Variants in MAGI1 observed in about 807,000 individuals in gnomAD.
The protein encoded by MAGI1 is membrane-associated guanylate kinase, WW and PDZ domain-containing protein 1.
A neutral mutation model predicts 139.9 loss-of-function variants in MAGI1; 58 were observed. The observed-to-expected ratio is 0.41, with a 90% CI of 0.34 to 0.52. MAGI1 has a LOEUF of 0.52. Among genes scored for constraint, MAGI1 ranks in the 20% least tolerant of loss-of-function variants. MAGI1 has a pLI of 0.12. For synonymous variants in MAGI1, 812 were observed against 737.9 expected, an observed-to-expected ratio of 1.10 and a Z score of -1.63; for missense variants, 1,874 against 1,901.6, an observed-to-expected ratio of 0.99 and a Z score of 0.27.
At chr3:66,019,212 G>C (rs1296771032) in intron 1 of MAGI1, among the ~76,000 whole-genome samples, 4 of 152,188 alleles carry the variant, frequency 2.6e-5, no homozygotes, top group African/African-American at 9.7e-5. Flanking sequence ...GATGGTGAGT[G>C]AATCTATGGG....
At chr3:65,901,601 A>T (rs1192085561) in intron 1 of MAGI1, among the ~76,000 whole-genome samples, 1 of 152,234 alleles carries the variant, frequency 6.6e-6, no homozygotes, top group African/African-American at 2.4e-5. Context: ...CTGCAACGGC[A>T]AGGTTTTTTC....
intron 12 of MAGI1, among the ~76,000 whole-genome samples, chr3:65,405,739 T>A (rs980658016): frequency 6.6e-6 from 1 of 152,116 alleles, no homozygotes. Flanking sequence ...GGATTACAGG[T>A]GCACGTCACC....
intron 1 of MAGI1, among the ~76,000 whole-genome samples, chr3:65,845,648 T>C (rs2058966926): frequency 6.6e-6 from 1 of 152,206 alleles, no homozygotes; most frequent in Non-Finnish European, 1.5e-5. Flanking sequence ...ACTGCACCAA[T>C]TTCATGTCTT....
At chr3:65,462,040 T>A (rs1949831851) in intron 5 of MAGI1, among the ~76,000 whole-genome samples, 1 of 152,186 alleles carries the variant, frequency 6.6e-6, no homozygotes, top group African/African-American at 2.4e-5. Flanking sequence ...ATGGATAGAT[T>A]CCAAACATGT....
intron 1 of MAGI1, among the ~76,000 whole-genome samples, chr3:65,625,045 A>T (rs1458243235): frequency 1.3e-5 from 2 of 151,984 alleles, no homozygotes; most frequent in African/African-American, 4.8e-5. Context: ...GCGAGTTTTC[A>T]TATTTATAGT....
At chr3:65,573,466 T>G (rs1475022404) in intron 2 of MAGI1, among the ~76,000 whole-genome samples, 2 of 151,858 alleles carry the variant, frequency 1.3e-5, no homozygotes, top group African/African-American at 4.8e-5. Flanking sequence ...ACTAATAAAC[T>G]ACATAAAATC....
rs569512560 is a variant in MAGI1 at position 65,509,304 on chromosome 3, A to G, written c.431-15673T>C. On this transcript the variant is annotated intron_variant, in intron 2 of 22. Coordinates refer to ENST00000402939, the MANE Select transcript of MAGI1 (RefSeq NM_001033057.2). ...TGGGTTTTGTTTTTGGGGAGGAGCC[A>G]AGATGGCCGAATAGGAACAGCTCCG... 7.2e-5 allele frequency among the ~76,000 whole-genome samples: 11 copies of G among 152,356 alleles called. No homozygotes were observed. The South Asian group carries it at 1.5e-3, about 20-fold the overall frequency.
chr3:65,512,592 C>A (rs1275015100), intron 2 of MAGI1, among the ~76,000 whole-genome samples: 1 of 152,130 alleles, frequency 6.6e-6, no homozygotes, highest in African/African-American at 2.4e-5. Flanking sequence ...TACACTCTCC[C>A]AAGACTAAGC....
intron 4 of MAGI1, among the ~76,000 whole-genome samples, chr3:65,475,759 T>C (rs556959027): frequency 2.1e-4 from 32 of 152,078 alleles, no homozygotes; most frequent in African/African-American, 7.7e-4. Flanking sequence ...GCTTCTGCCT[T>C]AATCAATGAC....
intron 2 of MAGI1, among the ~76,000 whole-genome samples, chr3:65,531,595 A>G (rs1310820742): frequency 3.3e-5 from 5 of 152,144 alleles, no homozygotes; most frequent in Non-Finnish European, 5.9e-5. Context: ...CCAATTCCCT[A>G]TCCATCTTTG....
intron 9 of MAGI1, among the ~76,000 whole-genome samples, chr3:65,438,099 C>G (rs1947974801): frequency 6.6e-6 from 1 of 152,142 alleles, no homozygotes; most frequent in Non-Finnish European, 1.5e-5. Context: ...CAGCACTACT[C>G]ACAACAGCAA....
At chr3:65,689,636 CA>C (rs934693048) in intron 1 of MAGI1, among the ~76,000 whole-genome samples, 119 of 152,310 alleles carry the variant, frequency 7.8e-4, no homozygotes, top group African/African-American at 2.8e-3. Context: ...GTTACAGTTA[CA>C]TCGTCTGGAA....
chr3:65,680,772 T>TGATAC (rs1181295927), intron 1 of MAGI1, among the ~76,000 whole-genome samples: 2 of 134,904 alleles, frequency 1.5e-5, no homozygotes, highest in Non-Finnish European at 3.0e-5. Flanking sequence ...TGATATGATA[T>TGATAC]GATATGATAT....
At chr3:65,554,204 G>T (rs1023132804) in intron 2 of MAGI1, among the ~76,000 whole-genome samples, 7 of 152,152 alleles carry the variant, frequency 4.6e-5, no homozygotes, top group African/African-American at 1.7e-4. Flanking sequence ...GAGAAGGCAT[G>T]GTCAAGAGTC....
chr3:65,383,299 G>A (rs1245723380), intron 15 of MAGI1, among the ~76,000 whole-genome samples: 2 of 152,162 alleles, frequency 1.3e-5, no homozygotes, highest in African/African-American at 2.4e-5. Flanking sequence ...GTCTACAGAG[G>A]CAGCTCCCAC....
intron 10 of MAGI1, among the ~76,000 whole-genome samples, chr3:65,433,451 G>C (rs1353495964): frequency 6.6e-6 from 1 of 152,124 alleles, no homozygotes; most frequent in East Asian, 1.9e-4. Flanking sequence ...AAATCAGAGG[G>C]TTTCACATTT....
At chr3:65,782,196 A>G (rs779976225) in intron 1 of MAGI1, among the ~76,000 whole-genome samples, 1 of 152,220 alleles carries the variant, frequency 6.6e-6, no homozygotes, top group African/African-American at 2.4e-5. Context: ...AAGGGGAATT[A>G]AGGTCACTAA....
At chr3:65,876,782 C>A (rs1391622062) in intron 1 of MAGI1, among the ~76,000 whole-genome samples, 1 of 144,496 alleles carries the variant, frequency 6.9e-6, no homozygotes, top group Non-Finnish European at 1.5e-5. Context: ...CTTGCTCTGT[C>A]GCCCAGGATG....
chr3:65,361,418 C>T (rs1234254842), intron 21 of MAGI1, 81 bp from the exon 22 acceptor site: 23 of 1,425,708 alleles, frequency 1.6e-5, no homozygotes, highest in African/African-American at 4.2e-5. Flanking sequence ...CGTGGCAGAA[C>T]ATCTATTGCT....
Sources: gnomAD v4.1 joint callset for allele counts (sites outside exome capture counted in the v4.1 genomes callset) on GRCh38, gnomAD v4.1.1 for gene constraint, MANE v1.5 for transcripts, NCBI Gene and HGNC (gene_info 2026-07-23, HGNC 2026-07-21) for gene names.